The following RANBP2 variants were observed in gnomAD, a reference collection of about 807,000 sequenced individuals.
RANBP2 encodes E3 SUMO-protein ligase RanBP2.
In RANBP2, 57 loss-of-function variants were observed where a neutral mutation model predicts 303.6. That is an observed-to-expected ratio of 0.19 (90% CI 0.15 to 0.23). The LOEUF is 0.23. Ranked by LOEUF, RANBP2 falls within the 10% of genes least tolerant of loss-of-function variation. The pLI, the probability that RANBP2 is intolerant of heterozygous loss-of-function variation, is 1.00. For missense variants in RANBP2, 3,138 were observed against 3,780.8 expected (o/e 0.83, Z 4.46); for synonymous variants, 1,167 against 1,301.5 (o/e 0.90, Z 2.23).
the RANBP2 span, among the ~76,000 whole-genome samples, chr2:109,387,699 A>G: frequency 0.014 from 2,106 of 152,180 alleles, 54 homozygotes; most frequent in African/African-American, 0.048. Flanking sequence ...TCACCATTCA[A>G]CGTCCTCTAT....
At chr2:108,773,918 A>AT (rs1677693187) in intron 23 of RANBP2, among the ~76,000 whole-genome samples, 1 of 152,228 alleles carries the variant, frequency 6.6e-6, no homozygotes, top group South Asian at 2.1e-4. Flanking sequence ...AAGTGCTGGG[A>AT]TTACAGGCGT....
the RANBP2 span, chr2:109,129,056 G>C: frequency 1.3e-5 from 5 of 391,494 alleles, no homozygotes; most frequent in Non-Finnish European, 2.5e-5. Context: ...GAGCAGGCCA[G>C]GGGCGCATGG....
In RANBP2 at chr2:108,758,489, C is replaced by G; in HGVS notation, c.2543C>G (p.Pro848Arg). The G allele has an allele frequency of 6.2e-7, 1 of 1,611,172 alleles. No homozygotes were observed. The highest frequency in any genetic ancestry group is 8.5e-7 in the Non-Finnish European group (1 of 1,179,768). The change falls in exon 18 of 29, where the codon CCA becomes CGA. Residue 848 changes from proline to arginine, a missense_variant. Physicochemically the swap from Pro to Arg is moderately radical, Grantham distance 103. This residue lies in a region of RANBP2 where 26 missense variants were observed against 58.0 expected (regional missense o/e 0.45). Transcript: ENST00000283195. ...CGTTGGCCCACAGAGAATTATGGACCAGACTCAGTGCCTGATGGATATCAG... is the reference window on the plus strand; with the variant it reads ...CGTTGGCCCACAGAGAATTATGGACGAGACTCAGTGCCTGATGGATATCAG... ...PHRWPTENYGPDSVPDGYQGS... is the reference protein window; with the variant it reads ...PHRWPTENYGRDSVPDGYQGS...
the RANBP2 span, among the ~76,000 whole-genome samples, chr2:109,288,345 T>C: frequency 4.6e-5 from 7 of 152,206 alleles, no homozygotes; most frequent in African/African-American, 1.7e-4. Context: ...TAGTTCTTAA[T>C]GTATTAGGGA....
chr2:109,193,751 T>G, the RANBP2 span, among the ~76,000 whole-genome samples: 3 of 152,174 alleles, frequency 2.0e-5, no homozygotes, highest in East Asian at 1.9e-4. Flanking sequence ...TTTCTCACAA[T>G]TAAAGGGAGG....
the RANBP2 span, chr2:108,989,450 C>T: frequency 6.6e-6 from 1 of 152,420 alleles, no homozygotes; most frequent in Admixed American, 6.6e-5. Flanking sequence ...CTATCAGAGC[C>T]TTTAGGCGTG....
the RANBP2 span, among the ~76,000 whole-genome samples, chr2:108,921,195 G>A: frequency 6.6e-6 from 1 of 152,066 alleles, no homozygotes; most frequent in African/African-American, 2.4e-5. Context: ...TAGGCATAGG[G>A]TTAGAGCCTG....
At chr2:109,207,443 A>T in the RANBP2 span, among the ~76,000 whole-genome samples, 1 of 152,180 alleles carries the variant, frequency 6.6e-6, no homozygotes, top group Admixed American at 6.5e-5. Flanking sequence ...TTTTGAAAAT[A>T]TTTGTGATGT....
the RANBP2 span, among the ~76,000 whole-genome samples, chr2:108,840,088 A>T: frequency 6.6e-6 from 1 of 152,022 alleles, no homozygotes; most frequent in African/African-American, 2.4e-5. Flanking sequence ...ATTTTTTTAG[A>T]TACTTTTTCT....
chr2:108,779,217 A>G (rs1678079163), intron 25 of RANBP2, among the ~76,000 whole-genome samples: 1 of 152,140 alleles, frequency 6.6e-6, no homozygotes, highest in Admixed American at 6.5e-5. Context: ...GCTGGAGTGC[A>G]GTGGCGCAGA....
chr2:108,783,681 A>G lies in RANBP2; in HGVS notation c.9455A>G (p.His3152Arg). 1 of 1,610,266 alleles carries G rather than the reference A, an allele frequency of 6.2e-7. No homozygotes were observed. The highest frequency in any genetic ancestry group is 8.5e-7 in the Non-Finnish European group (1 of 1,176,478). The change falls in exon 29 of 29, where the codon CAT becomes CGT. Residue 3152 changes from histidine (H) to arginine (R), a missense_variant. By Grantham distance (29) the His-to-Arg change is conservative (BLOSUM62 0). This residue lies in a region of RANBP2 where 204 missense variants were observed against 228.4 expected (regional missense o/e 0.89). Coordinates refer to ENST00000283195, the MANE Select transcript of RANBP2 (RefSeq NM_006267.5). ...KFEDENFDVK[H>R]TGPGLLSMAN... ...GAAGATGAAAATTTTGATGTGAAAC[A>G]TACTGGTCCTGGTTTACTATCCATG...
the RANBP2 span, among the ~76,000 whole-genome samples, chr2:109,232,469 C>A: frequency 1.3e-5 from 2 of 152,292 alleles, no homozygotes; most frequent in East Asian, 3.9e-4. Context: ...GAGATGGTTA[C>A]ACCTGTCCCG....
chr2:109,613,702 T>C, the RANBP2 span: 1,970 of 844,700 alleles, frequency 2.3e-3, 13 homozygotes, highest in Non-Finnish European at 1.8e-3. Flanking sequence ...CGGGTCACAA[T>C]CCCGGGCCGG....
At chr2:109,287,847 AC>A in the RANBP2 span, among the ~76,000 whole-genome samples, 1 of 151,508 alleles carries the variant, frequency 6.6e-6, no homozygotes, top group Admixed American at 6.6e-5. Flanking sequence ...AGTTTCCTAA[AC>A]CCCACTCATA....
chr2:108,724,954 G>A (rs887077031), intron 1 of RANBP2, among the ~76,000 whole-genome samples: 1 of 152,040 alleles, frequency 6.6e-6, no homozygotes, highest in African/African-American at 2.4e-5. Flanking sequence ...GACAGAGTGA[G>A]ACTCCATCTG....
chr2:109,437,935 T>C, the RANBP2 span, among the ~76,000 whole-genome samples: 1 of 152,160 alleles, frequency 6.6e-6, no homozygotes, highest in African/African-American at 2.4e-5. Context: ...TGATGCCAAG[T>C]ACCCCAGGAC....
chr2:109,458,671 A>AG, the RANBP2 span, among the ~76,000 whole-genome samples: 1 of 151,690 alleles, frequency 6.6e-6, no homozygotes, highest in Non-Finnish European at 1.5e-5. Flanking sequence ...GCAGCCCAGC[A>AG]GGCTGGACCC....
chr2:109,720,430 C>T, the RANBP2 span, among the ~76,000 whole-genome samples: 4 of 152,094 alleles, frequency 2.6e-5, no homozygotes, highest in Admixed American at 6.6e-5. Context: ...AAAATGGCAA[C>T]GTGTGGGCTC....
At chr2:108,761,224 T>G (rs1676709196) in intron 18 of RANBP2, among the ~76,000 whole-genome samples, 1 of 149,260 alleles carries the variant, frequency 6.7e-6, no homozygotes, top group African/African-American at 2.5e-5. Context: ...TGTGCCTGCT[T>G]CCTCCCCATA....
Sources: gnomAD v4.1 joint callset for allele counts (sites outside exome capture counted in the v4.1 genomes callset) on GRCh38, gnomAD v4.1.1 for gene constraint, gnomAD v4.1.1 regional missense constraint, MANE v1.5 for transcripts, NCBI Gene and HGNC (gene_info 2026-07-23, HGNC 2026-07-21) for gene names.